Variants in RTN4RL1 observed in about 807,000 individuals in gnomAD.
RTN4RL1 encodes reticulon 4 receptor like 1.
A neutral mutation model predicts 25.6 loss-of-function variants in RTN4RL1; 7 were observed. That is an observed-to-expected ratio of 0.27 (90% CI 0.16 to 0.51). The LOEUF (loss-of-function observed/expected upper bound fraction) is 0.51, where lower values mean the gene tolerates loss of function less well. Ranked by LOEUF, RTN4RL1 falls within the 20% of genes least tolerant of loss-of-function variation. The probability of loss-of-function intolerance (pLI) is 0.97; values close to 1 mark genes in which losing one functional copy is unlikely to be tolerated. For missense variants in RTN4RL1, 500 were observed against 615.6 expected (o/e 0.81, Z 1.99); for synonymous variants, 297 against 288.2 (o/e 1.03, Z -0.31).
chr17:1,993,075 T>G (rs1412110055), intron 1 of RTN4RL1, among the ~76,000 whole-genome samples: 1 of 151,960 alleles, frequency 6.6e-6, no homozygotes, highest in Admixed American at 6.6e-5. Flanking sequence ...AAACCCCATC[T>G]CTACTAAAAA....
intron 1 of RTN4RL1, among the ~76,000 whole-genome samples, chr17:2,013,401 C>T (rs770062054): frequency 8.5e-5 from 13 of 152,214 alleles, no homozygotes; most frequent in Non-Finnish European, 1.6e-4. Flanking sequence ...AGCCTGACTT[C>T]CAGCTGCAAA....
intron 1 of RTN4RL1, among the ~76,000 whole-genome samples, chr17:1,993,238 ACT>A (rs1162168750): frequency 6.6e-6 from 1 of 152,046 alleles, no homozygotes; most frequent in Non-Finnish European, 1.5e-5. Context: ...ACAGAGCGAA[ACT>A]CTGTCTCAAA....
At chr17:1,978,788 G>A (rs1019397732) in intron 1 of RTN4RL1, among the ~76,000 whole-genome samples, 4 of 152,348 alleles carry the variant, frequency 2.6e-5, no homozygotes, top group Non-Finnish European at 5.9e-5. Flanking sequence ...ACAAGTCCCA[G>A]AGTTGCTGCA....
At chr17:1,961,698 C>T (rs779529217) in intron 1 of RTN4RL1, among the ~76,000 whole-genome samples, 4 of 144,666 alleles carry the variant, frequency 2.8e-5, no homozygotes, top group African/African-American at 1.0e-4. Flanking sequence ...GAGGCCGATG[C>T]GGGCAGATCA....
In RTN4RL1 at chr17:1,994,632, G is replaced by C. The variant is rs1177022069; in HGVS notation, c.13+30221C>G. Among the ~76,000 whole-genome samples, 1 of 152,184 alleles carries C rather than the reference G, an allele frequency of 6.6e-6. No homozygotes were observed. The highest frequency in any genetic ancestry group is 1.5e-5 in the Non-Finnish European group (1 of 68,034). ...AGTCTGAGTGAAGATGCTGGAGTCA[G>C]CCAGGCCTGGATTCCAATCCCAGCT... On this transcript the variant is annotated intron_variant, in intron 1 of 1. Transcript: ENST00000331238. The surrounding 1 kb of genome is among the most constrained non-coding windows in gnomAD (Gnocchi z 4.3).
intron 1 of RTN4RL1, chr17:2,020,653 AGT>A (rs1311911305): frequency 6.6e-6 from 1 of 152,186 alleles, no homozygotes; most frequent in Non-Finnish European, 1.5e-5. Context: ...CTTATAAATG[AGT>A]GTGTTTGACT....
chr17:2,004,684 G>A (rs1225962835), intron 1 of RTN4RL1, among the ~76,000 whole-genome samples: 2 of 152,216 alleles, frequency 1.3e-5, no homozygotes, highest in East Asian at 1.9e-4. Flanking sequence ...GGGCAGAGAG[G>A]GCAGAGGGTT....
At chr17:1,959,585 G>A (rs954325944) in intron 1 of RTN4RL1, among the ~76,000 whole-genome samples, 40 of 152,182 alleles carry the variant, frequency 2.6e-4, no homozygotes, top group African/African-American at 9.6e-4. Flanking sequence ...TTTGTTTTGA[G>A]GCAGAGTCTC....
At chr17:1,952,169 A>C (rs144506155) in intron 1 of RTN4RL1, among the ~76,000 whole-genome samples, 171 of 152,188 alleles carry the variant, frequency 1.1e-3, no homozygotes, top group African/African-American at 3.9e-3. Flanking sequence ...TGGTCAAAGT[A>C]AGTCACGGGG....
At chr17:2,000,556 G>C (rs564268403) in intron 1 of RTN4RL1, among the ~76,000 whole-genome samples, 1 of 151,638 alleles carries the variant, frequency 6.6e-6, no homozygotes, top group Non-Finnish European at 1.5e-5. Context: ...ACTGATTTTC[G>C]CTTTTCTTGC....
At chr17:2,016,721 A>T (rs1166752074) in intron 1 of RTN4RL1, among the ~76,000 whole-genome samples, 1 of 152,196 alleles carries the variant, frequency 6.6e-6, no homozygotes, top group East Asian at 1.9e-4. Flanking sequence ...GGCAGGCGGG[A>T]GGCCGGGCTG....
At chr17:1,973,519 A>G (rs1402519026) in intron 1 of RTN4RL1, among the ~76,000 whole-genome samples, 4 of 145,982 alleles carry the variant, frequency 2.7e-5, no homozygotes, top group African/African-American at 5.0e-5. Flanking sequence ...CTCCATGTCA[A>G]AAAAAAAAAA....
intron 1 of RTN4RL1, among the ~76,000 whole-genome samples, chr17:1,984,696 G>T (rs760225707): frequency 5.9e-5 from 9 of 152,246 alleles, no homozygotes; most frequent in Non-Finnish European, 1.2e-4. Context: ...GCCGGGCGCC[G>T]TGGCTCACGC....
At chr17:1,953,420 G>A (rs529721702) in intron 1 of RTN4RL1, among the ~76,000 whole-genome samples, 4 of 152,060 alleles carry the variant, frequency 2.6e-5, no homozygotes, top group Non-Finnish European at 5.9e-5. Context: ...AAAATTGGGG[G>A]GAGGGATAGC....
At chr17:1,952,638 C>T (rs749862706) in intron 1 of RTN4RL1, among the ~76,000 whole-genome samples, 1 of 151,630 alleles carries the variant, frequency 6.6e-6, no homozygotes, top group Non-Finnish European at 1.5e-5. Flanking sequence ...CCACCACACC[C>T]GGCCTCTCCT....
chr17:1,975,964 C>T (rs577169745), intron 1 of RTN4RL1, among the ~76,000 whole-genome samples: 4 of 152,332 alleles, frequency 2.6e-5, no homozygotes, highest in East Asian at 1.9e-4. Context: ...CCGTGAGAAA[C>T]GCCATCCCTG....
At chr17:1,992,135 C>T (rs941973837) in intron 1 of RTN4RL1, among the ~76,000 whole-genome samples, 28 of 151,942 alleles carry the variant, frequency 1.8e-4, no homozygotes, top group Admixed American at 2.0e-4. Flanking sequence ...GAGGCCGCGG[C>T]GGGTGGATGA....
At chr17:2,016,291 G>A (rs1483193818) in intron 1 of RTN4RL1, among the ~76,000 whole-genome samples, 1 of 152,118 alleles carries the variant, frequency 6.6e-6, no homozygotes, top group Non-Finnish European at 1.5e-5. Context: ...TGAGGCAGGA[G>A]AATCACTTGA....
rs189967528 is a variant in RTN4RL1 at position 1,991,483 on chromosome 17, A to G, written c.13+33370T>C. Among the ~76,000 whole-genome samples the G allele has an allele frequency of 1.3e-3, 196 of 151,500 alleles. 1 individual carries two copies. The highest frequency in any genetic ancestry group is 2.5e-3 in the Non-Finnish European group (169 of 67,892). On this transcript the variant is annotated intron_variant, in intron 1 of 1. Transcript: ENST00000331238. ...AAAAAACAAAAAAAAACTTCAAAGAACACAAAAGGGTATACAATAAAAAGT... is the reference window on the plus strand; with the variant it reads ...AAAAAACAAAAAAAAACTTCAAAGAGCACAAAAGGGTATACAATAAAAAGT...
Sources: allele counts gnomAD v4.1 joint callset (sites outside exome capture counted in the v4.1 genomes callset), GRCh38; gene constraint gnomAD v4.1.1; non-coding constraint Gnocchi (gnomAD v3.1); transcripts MANE v1.5; gene names NCBI Gene and HGNC (gene_info 2026-07-23, HGNC 2026-07-21).